Variants in PPP1R13L observed in about 807,000 individuals in gnomAD.
PPP1R13L encodes the protein relA-associated inhibitor.
A neutral mutation model predicts 80.9 loss-of-function variants in PPP1R13L; 50 were observed. The ratio of observed to expected loss-of-function variants is 0.62; its 90% confidence interval spans 0.49 to 0.78. The LOEUF is 0.78. PPP1R13L is among the 30% of genes least tolerant of loss of function. PPP1R13L has a pLI of 0.00. For missense variants in PPP1R13L, 1,200 were observed against 1,205.9 expected (o/e 1.00, Z 0.07); for synonymous variants, 602 against 534.3 (o/e 1.13, Z -1.75).
At chr19:45,404,290 A>G (rs1002347905) in intron 1 of PPP1R13L, among the ~76,000 whole-genome samples, 3 of 152,054 alleles carry the variant, frequency 2.0e-5, no homozygotes, top group Admixed American at 2.0e-4. Flanking sequence ...TTCCCACCCC[A>G]TAAGGCAATA....
intron 7 of PPP1R13L, 47 bp from the exon 8 acceptor site, chr19:45,392,387 C>T (rs1599769823): frequency 1.9e-6 from 3 of 1,562,816 alleles, no homozygotes; most frequent in Non-Finnish European, 8.8e-7. Flanking sequence ...CAGGAGACAC[C>T]CAACACTCCC....
At chr19:45,389,261 T>C (rs1380917871) in intron 8 of PPP1R13L, among the ~76,000 whole-genome samples, 1 of 152,208 alleles carries the variant, frequency 6.6e-6, no homozygotes, top group African/African-American at 2.4e-5. Flanking sequence ...CAAGGTTCCT[T>C]GCCTTTACTT....
In PPP1R13L at chr19:45,395,773, C is replaced by T. The variant is rs1181860778; in HGVS notation, c.1017G>A (p.Ser339=). The T allele has an allele frequency of 1.9e-6, 3 of 1,556,608 alleles. No homozygotes were observed. Among genetic ancestry groups the T allele is most frequent in the South Asian group, 2.3e-5 (2 of 85,158 alleles). The change falls in exon 7 of 13, where the codon TCG becomes TCA. Residue 339 remains serine (S), a synonymous_variant. Transcript: ENST00000360957. ...YRRSLGSAGP[S]GTLPRSWQPV... is the part of the protein sequence containing the mutation. ...GCTGCCAGCTGCGAGGCAAAGTGCC[C>T]GACGGCCCCGCGGAGCCCAGCGAGC...
At chr19:45,394,272 C>T (rs1470361323) in intron 7 of PPP1R13L, among the ~76,000 whole-genome samples, 2 of 152,022 alleles carry the variant, frequency 1.3e-5, no homozygotes, top group African/African-American at 4.8e-5. Context: ...GCTGGGACTA[C>T]AGGCGCCCAC....
chr19:45,382,771 G>A (rs776432470), intron 11 of PPP1R13L, 45 bp from the exon 12 acceptor site: 2 of 1,602,844 alleles, frequency 1.2e-6, no homozygotes, highest in Middle Eastern at 1.7e-4. Context: ...GGCCCAGGGG[G>A]TCCAGGAACA....
intron 1 of PPP1R13L, among the ~76,000 whole-genome samples, chr19:45,400,094 A>T (rs1365271125): frequency 6.6e-6 from 1 of 152,004 alleles, no homozygotes; most frequent in African/African-American, 2.4e-5. Context: ...CCCTGCAAGA[A>T]GTCGGTAGTA....
chr19:45,392,425 A>G (rs1477811140), intron 7 of PPP1R13L, 85 bp from the exon 8 acceptor site: 1 of 1,377,728 alleles, frequency 7.3e-7, no homozygotes, highest in Admixed American at 1.8e-5. Flanking sequence ...GCATACAACC[A>G]GCACATGATT....
chr19:45,396,268 C>A lies in PPP1R13L; in HGVS notation c.812-9G>T. 1 of 1,612,472 alleles carries A rather than the reference C, an allele frequency of 6.2e-7. No homozygotes were observed. On this transcript the variant is annotated splice_polypyrimidine_tract_variant and intron_variant, in intron 5 of 12. Coordinates refer to ENST00000360957, the MANE Select transcript of PPP1R13L (RefSeq NM_006663.4). The surrounding 1 kb of genome is among the most constrained non-coding windows in gnomAD (Gnocchi z 5.3). ...TGCGAAGACGTCCAGGCCTGCGGGGCGGGAATCATTAGGGTCTGTGGGGCT... is the reference window on the plus strand; with the variant it reads ...TGCGAAGACGTCCAGGCCTGCGGGGAGGGAATCATTAGGGTCTGTGGGGCT...
In PPP1R13L at chr19:45,398,785, C is replaced by G. The variant is rs773700651; in HGVS notation, c.-21-446G>C. 2.0e-5 allele frequency among the ~76,000 whole-genome samples: 3 copies of G among 151,710 alleles called. No individual in the cohort carries two copies. The South Asian group carries it at 6.3e-4, about 32-fold the overall frequency. Reference sequence around the variant, plus strand: ...TTCTGGGATTACAGGAGTGAGTCTCCGCGCCCGGCCGTGTCCATCTCTTTA... The same window carrying G: ...TTCTGGGATTACAGGAGTGAGTCTCGGCGCCCGGCCGTGTCCATCTCTTTA... On this transcript the variant is annotated intron_variant, in intron 1 of 12. Coordinates refer to ENST00000360957, the MANE Select transcript of PPP1R13L (RefSeq NM_006663.4).
Position 45,396,984 on chromosome 19 carries a change from G to T in PPP1R13L, c.273C>A (p.Asp91Glu). The change falls in exon 4 of 13, where the codon GAC (aspartate) becomes GAA (glutamate). Residue 91 changes from aspartate to glutamate, a missense_variant. Physicochemically the swap from Asp to Glu is conservative, Grantham distance 45. Around this residue, in one of 5 missense-constraint regions of PPP1R13L, gnomAD observed 764 missense variants for 714.5 expected, o/e 1.07. Coordinates refer to ENST00000360957, the MANE Select transcript of PPP1R13L (RefSeq NM_006663.4). This position sits in a 1 kb window ranked among gnomAD's most constrained non-coding sequence, Gnocchi z 5.3. Reference protein sequence around the residue: ...SRGSPRKAATDGADTPFGRSE... With the variant: ...SRGSPRKAATEGADTPFGRSE... ...ATCGTCCGAACGGGGTGTCTGCGCC[G>T]TCGGTGGCCGCCTTCCGGGGGGACC... The T allele has an allele frequency of 7.2e-7, 1 of 1,383,124 alleles. No homozygotes were observed. Among genetic ancestry groups the T allele is most frequent in the South Asian group, 1.8e-5 (1 of 55,582 alleles). The allele number at this position is 1,383,124 out of a possible 1,614,324, so 85.7% of individuals were successfully genotyped here. A position where few individuals can be genotyped will look rare whatever the true frequency, so the allele number is the denominator to read the frequency against.
chr19:45,401,858 G>C (rs1973239634), intron 1 of PPP1R13L: 2 of 152,112 alleles, frequency 1.3e-5, no homozygotes. Context: ...CTTGCACTTT[G>C]GGAGGCCGAG....
At chr19:45,381,846 G>A (rs929074262) in intron 12 of PPP1R13L, among the ~76,000 whole-genome samples, 1 of 151,952 alleles carries the variant, frequency 6.6e-6, no homozygotes, top group Non-Finnish European at 1.5e-5. Context: ...AGGCCAAGGA[G>A]GGAGGATCAC....
chr19:45,393,376 A>C (rs917344860), intron 7 of PPP1R13L, among the ~76,000 whole-genome samples: 2 of 147,672 alleles, frequency 1.4e-5, no homozygotes, highest in Non-Finnish European at 3.0e-5. Context: ...GGATCACCTG[A>C]GGTCAGGGGT....
Position 45,396,911 on chromosome 19 carries a change from C to A in PPP1R13L, c.346G>T (p.Gly116Ter). 1 of 1,502,278 alleles carries A rather than the reference C, an allele frequency of 6.7e-7. No homozygotes were observed. 93.1% of individuals were successfully genotyped at this position (1,502,278 alleles called of 1,614,324 possible). The stretch of plus-strand genomic sequence containing the variant: ...GGGGTGCGCGGCGACGACGGCCGTC[C>A]CTTGGGGGACAGCGGGCTGTAGGGG... ...LHPYSPLSPK[G>*]RPSSPRTPLY... The change falls in exon 4 of 13, where the codon GGA (glycine) becomes TGA (stop). Residue 116 changes from glycine (G) to a stop codon, truncating the protein, a stop_gained. Coordinates refer to ENST00000360957, the MANE Select transcript of PPP1R13L (RefSeq NM_006663.4). LOFTEE classifies it high-confidence loss of function. The surrounding 1 kb of genome is among the most constrained non-coding windows in gnomAD (Gnocchi z 5.3).
intron 11 of PPP1R13L, among the ~76,000 whole-genome samples, chr19:45,382,987 C>CTT (rs1262671685): frequency 3.5e-5 from 4 of 114,192 alleles, no homozygotes; most frequent in African/African-American, 1.8e-4. Context: ...GCTCCCATTT[C>CTT]TTTTCTTTCT....
chr19:45,390,075 A>T (rs35773406), intron 8 of PPP1R13L, among the ~76,000 whole-genome samples: 1 of 148,672 alleles, frequency 6.7e-6, no homozygotes, highest in Non-Finnish European at 1.5e-5. Flanking sequence ...ACAGGCATGA[A>T]CCACCACGCC....
intron 8 of PPP1R13L, among the ~76,000 whole-genome samples, chr19:45,388,658 G>C (rs1972912649): frequency 6.6e-6 from 1 of 152,118 alleles, no homozygotes; most frequent in Non-Finnish European, 1.5e-5. Flanking sequence ...TTAATTGTCA[G>C]ATTTGGTGAC....
Position 45,396,579 on chromosome 19 carries a change from G to A in PPP1R13L, c.678C>T (p.Gly226=), listed in dbSNP as rs1194082775. The A allele has an allele frequency of 6.0e-6, 9 of 1,504,834 alleles. No homozygotes were observed. Among genetic ancestry groups the A allele is most frequent in the Non-Finnish European group, 7.1e-6 (8 of 1,134,616 alleles). The allele number at this position is 1,504,834 out of a possible 1,614,324, so 93.2% of individuals were successfully genotyped here. Residue 226 remains glycine, a synonymous_variant, in exon 4 of 13, where the codon GGC becomes GGT. Transcript: ENST00000360957. The surrounding 1 kb of genome is among the most constrained non-coding windows in gnomAD (Gnocchi z 5.3). ...SAFGSSLLGS[G]GSAFAPPLRA... is the part of the protein sequence containing the mutation. ...GCAGAGGCGGGGCGAATGCGCTGCC[G>A]CCGGAGCCTAGCAGGGAGCTCCCGA...
At chr19:45,398,381 C>A in intron 1 of PPP1R13L, 42 bp from the exon 2 acceptor site, 1 of 1,584,002 alleles carries the variant, frequency 6.3e-7, no homozygotes, top group Non-Finnish European at 8.6e-7. Flanking sequence ...GACCCCGCCC[C>A]TCTAGACCCC....
Sources: gnomAD v4.1 joint callset for allele counts (sites outside exome capture counted in the v4.1 genomes callset) on GRCh38, gnomAD v4.1.1 for gene constraint, gnomAD v4.1.1 regional missense constraint, Gnocchi (gnomAD v3.1) non-coding constraint, MANE v1.5 for transcripts, NCBI Gene and HGNC (gene_info 2026-07-23, HGNC 2026-07-21) for gene names.